The following PDE8B variants were observed in gnomAD, a reference collection of about 807,000 sequenced individuals.
The protein encoded by PDE8B is phosphodiesterase 8B.
In PDE8B, 26 loss-of-function variants were observed where a neutral mutation model predicts 101.3. That is an observed-to-expected ratio of 0.26 (90% CI 0.19 to 0.36). The LOEUF is 0.36. PDE8B is among the 10% of genes least tolerant of loss of function. PDE8B has a pLI of 1.00. For synonymous variants in PDE8B, 424 were observed against 429.3 expected, an observed-to-expected ratio of 0.99 and a Z score of 0.15; for missense variants, 810 against 1,163.1, an observed-to-expected ratio of 0.70 and a Z score of 4.42.
intron 1 of PDE8B, among the ~76,000 whole-genome samples, chr5:77,286,752 A>G (rs528280467): frequency 6.6e-6 from 1 of 152,282 alleles, no homozygotes; most frequent in East Asian, 1.9e-4. Context: ...ATACCCACCT[A>G]TTCTATTCAG....
intron 1 of PDE8B, among the ~76,000 whole-genome samples, chr5:77,221,890 G>A (rs1751161749): frequency 6.6e-6 from 1 of 152,206 alleles, no homozygotes; most frequent in African/African-American, 2.4e-5. Context: ...GCTAAGTTGA[G>A]TGTGTCCTTA....
At chr5:77,286,285 G>T (rs535932136) in intron 1 of PDE8B, among the ~76,000 whole-genome samples, 67 of 152,278 alleles carry the variant, frequency 4.4e-4, no homozygotes, top group African/African-American at 1.6e-3. Context: ...TCTTCCCTGT[G>T]CATGAACAGT....
intron 1 of PDE8B, among the ~76,000 whole-genome samples, chr5:77,254,346 C>G (rs1403730296): frequency 1.3e-5 from 2 of 152,040 alleles, no homozygotes; most frequent in African/African-American, 4.8e-5. Flanking sequence ...GATCTCAGAA[C>G]TATTTGAATA....
intron 1 of PDE8B, among the ~76,000 whole-genome samples, chr5:77,289,592 C>T (rs1766814770): frequency 6.6e-6 from 1 of 152,200 alleles, no homozygotes; most frequent in African/African-American, 2.4e-5. Context: ...CCCATTGTGA[C>T]CTCTCACTTA....
At chr5:77,226,182 T>C (rs1752360092) in intron 1 of PDE8B, among the ~76,000 whole-genome samples, 1 of 152,150 alleles carries the variant, frequency 6.6e-6, no homozygotes. Flanking sequence ...ATTATTTATA[T>C]GCATCAACGT....
chr5:77,237,523 T>C (rs1031856363), intron 1 of PDE8B, among the ~76,000 whole-genome samples: 3 of 152,166 alleles, frequency 2.0e-5, no homozygotes, highest in African/African-American at 7.2e-5. Flanking sequence ...TGTGTGTCTT[T>C]TTTATCCAAT....
At chr5:77,255,370 G>T (rs1758900936) in intron 1 of PDE8B, among the ~76,000 whole-genome samples, 1 of 152,176 alleles carries the variant, frequency 6.6e-6, no homozygotes, top group Admixed American at 6.5e-5. Flanking sequence ...CAACGCGGCT[G>T]CACAGGGCCC....
At chr5:77,236,207 G>T (rs914498028) in intron 1 of PDE8B, among the ~76,000 whole-genome samples, 1 of 152,232 alleles carries the variant, frequency 6.6e-6, no homozygotes, top group Admixed American at 6.5e-5. Context: ...AGAAGCACAA[G>T]CAGGCCAGTG....
the PDE8B span, among the ~76,000 whole-genome samples, chr5:77,167,543 C>T: frequency 7.9e-5 from 12 of 152,198 alleles, no homozygotes; most frequent in African/African-American, 1.2e-4. Context: ...CACGTCGATG[C>T]GGAGGGTGCA....
At chr5:77,135,406 G>A in the PDE8B span, among the ~76,000 whole-genome samples, 1 of 151,470 alleles carries the variant, frequency 6.6e-6, no homozygotes. Context: ...AGTATGGTTT[G>A]AATTCATTGT....
the PDE8B span, among the ~76,000 whole-genome samples, chr5:77,200,570 T>A: frequency 2.5e-4 from 38 of 151,326 alleles, no homozygotes; most frequent in African/African-American, 7.3e-4. Context: ...TTTTAAAAAA[T>A]TTTGTTTTGT....
intron 2 of PDE8B, among the ~76,000 whole-genome samples, chr5:77,319,435 G>C (rs982287001): frequency 1.3e-5 from 2 of 152,036 alleles, no homozygotes. Context: ...CTATCTCTCC[G>C]TGATAAACCC....
At chr5:77,159,585 C>T in the PDE8B span, among the ~76,000 whole-genome samples, 1 of 152,178 alleles carries the variant, frequency 6.6e-6, no homozygotes, top group Non-Finnish European at 1.5e-5. Context: ...AACTCCCGTT[C>T]ATATATGTAT....
chr5:77,293,010 G>T (rs1268504146), intron 1 of PDE8B, among the ~76,000 whole-genome samples: 1 of 151,926 alleles, frequency 6.6e-6, no homozygotes. Context: ...CTATCTGGAA[G>T]TAATTTGGGT....
intron 11 of PDE8B, among the ~76,000 whole-genome samples, chr5:77,403,741 A>G (rs1792805085): frequency 6.6e-6 from 1 of 152,150 alleles, no homozygotes; most frequent in African/African-American, 2.4e-5. Context: ...GTTCAGATTA[A>G]CTTTATAATA....
At chr5:77,116,211 T>TAC in the PDE8B span, among the ~76,000 whole-genome samples, 1 of 75,580 alleles carries the variant, frequency 1.3e-5, no homozygotes, top group African/African-American at 7.2e-5. Context: ...CTTCTATATA[T>TAC]ATATATATAT....
chr5:77,140,966 A>G, the PDE8B span: 2 of 152,164 alleles, frequency 1.3e-5, no homozygotes, highest in Non-Finnish European at 2.9e-5. Flanking sequence ...ACTCATATAC[A>G]TGTGTATATA....
chr5:77,147,113 CA>C, the PDE8B span: 43 of 347,780 alleles, frequency 1.2e-4, no homozygotes, highest in South Asian at 2.7e-4. Flanking sequence ...CTAAAAAAAG[CA>C]AAAAAAGGAA....
At chr5:77,378,436 C>A (rs376351610) in intron 10 of PDE8B, among the ~76,000 whole-genome samples, 1 of 120,790 alleles carries the variant, frequency 8.3e-6, no homozygotes, top group African/African-American at 3.1e-5. Context: ...TCCAGCCTGG[C>A]GACAGAGCAA....
Sources: allele counts gnomAD v4.1 joint callset (sites outside exome capture counted in the v4.1 genomes callset), GRCh38; gene constraint gnomAD v4.1.1; transcripts MANE v1.5; gene names NCBI Gene and HGNC (gene_info 2026-07-23, HGNC 2026-07-21).